Variants in STPG2 observed in about 807,000 individuals in gnomAD.
The protein encoded by STPG2 is sperm-tail PG-rich repeat-containing protein 2.
STPG2 carries 56 observed loss-of-function variants against 54.2 expected under a neutral mutation model. The observed-to-expected ratio is 1.03, with a 90% CI of 0.83 to 1.29. STPG2 has a LOEUF of 1.29. STPG2 is among the 50% of genes most tolerant of loss of function. The pLI, the probability that STPG2 is intolerant of heterozygous loss-of-function variation, is 0.00. For missense variants in STPG2, 596 were observed against 544.9 expected (o/e 1.09, Z -0.93); for synonymous variants, 200 against 181.8 (o/e 1.10, Z -0.81).
intron 10 of STPG2, among the ~76,000 whole-genome samples, chr4:97,676,116 G>GTA (rs1436107124): frequency 6.9e-6 from 1 of 145,942 alleles, no homozygotes. Flanking sequence ...TATATGTAGT[G>GTA]TATATATATA....
chr4:97,547,665 A>G (rs992311623), intron 4 of STPG2, among the ~76,000 whole-genome samples: 2 of 152,172 alleles, frequency 1.3e-5, no homozygotes, highest in African/African-American at 2.4e-5. Context: ...GATTATGGGT[A>G]AGGTGTTGAC....
At chr4:98,077,235 T>C (rs1283329155) in intron 5 of STPG2, among the ~76,000 whole-genome samples, 1 of 151,642 alleles carries the variant, frequency 6.6e-6, no homozygotes, top group African/African-American at 2.4e-5. Flanking sequence ...TTTGTTGTTG[T>C]TGTTGTTGTT....
At chr4:97,871,024 G>C (rs1367052830) in intron 8 of STPG2, among the ~76,000 whole-genome samples, 1 of 150,686 alleles carries the variant, frequency 6.6e-6, no homozygotes, top group African/African-American at 2.4e-5. Flanking sequence ...TAGCCATAAA[G>C]ACCTTTCCAT....
At chr4:97,984,314 T>C (rs2149265095) in intron 5 of STPG2, among the ~76,000 whole-genome samples, 1 of 152,288 alleles carries the variant, frequency 6.6e-6, no homozygotes, top group South Asian at 2.1e-4. Flanking sequence ...CCAGCTAATC[T>C]TTGTATTTTT....
At position 97,472,638 on chromosome 4, in the gene STPG2, A is replaced by T. The variant is rs190160873; in HGVS notation, c.462+240061T>A. Among the ~76,000 whole-genome samples the T allele has an allele frequency of 4.2e-3, 641 of 152,332 alleles. 3 individuals carry two copies. The highest frequency in any genetic ancestry group is 0.02 in the South Asian group (98 of 4,824). On this transcript the variant is annotated intron_variant, in intron 4 of 4. Transcript: ENST00000522676. ...ATTACCTAATTATTAACTGTGGTACATCTAGATAATGGAATACTATTCAGC... is the reference window on the plus strand; with the variant it reads ...ATTACCTAATTATTAACTGTGGTACTTCTAGATAATGGAATACTATTCAGC...
At chr4:98,022,683 A>T (rs1011348850) in intron 5 of STPG2, among the ~76,000 whole-genome samples, 3 of 152,166 alleles carry the variant, frequency 2.0e-5, no homozygotes, top group African/African-American at 7.2e-5. Flanking sequence ...GTCTTTTCAC[A>T]TAGTCCCATA....
intron 9 of STPG2, among the ~76,000 whole-genome samples, chr4:97,824,618 T>C (rs949489149): frequency 6.6e-6 from 1 of 152,164 alleles, no homozygotes; most frequent in Non-Finnish European, 1.5e-5. Context: ...CTTGACCTTG[T>C]AACCACGTGG....
Position 97,725,953 on chromosome 4 carries a change from C to T in STPG2, c.1205-13139G>A, listed in dbSNP as rs1309347708. On this transcript the variant is annotated intron_variant, in intron 9 of 10. Coordinates refer to ENST00000295268, the MANE Select transcript of STPG2 (RefSeq NM_174952.3). ...AAAAAAAATCAAAATGCCTTCTGAT[C>T]GTATTGGCATCAGCAAAACCAGATT... 2.6e-5 allele frequency among the ~76,000 whole-genome samples: 4 copies of T among 151,862 alleles called. 1 individual carries two copies. In the South Asian group the frequency reaches 8.3e-4, roughly 31 times the overall value.
chr4:97,875,450 T>C (rs1242069558), intron 8 of STPG2, among the ~76,000 whole-genome samples: 3 of 151,694 alleles, frequency 2.0e-5, no homozygotes, highest in Non-Finnish European at 4.4e-5. Flanking sequence ...TGGGAATTCA[T>C]CATGACATTA....
intron 10 of STPG2, among the ~76,000 whole-genome samples, chr4:97,667,227 C>T (rs958375001): frequency 3.9e-5 from 6 of 152,182 alleles, no homozygotes; most frequent in Non-Finnish European, 5.9e-5. Flanking sequence ...GAAAGGACCA[C>T]GACAATATGT....
intron 9 of STPG2, among the ~76,000 whole-genome samples, chr4:97,809,390 T>C (rs1248336395): frequency 1.3e-5 from 2 of 152,048 alleles, no homozygotes; most frequent in African/African-American, 2.4e-5. Flanking sequence ...TCACCACTTA[T>C]CTACCTACTA....
chr4:97,468,856 A>G (rs1729854406), intron 4 of STPG2, among the ~76,000 whole-genome samples: 1 of 152,064 alleles, frequency 6.6e-6, no homozygotes, highest in African/African-American at 2.4e-5. Context: ...TAAGAAAAGC[A>G]GTTTTATTTA....
chr4:97,899,668 C>A (rs1338687916), intron 8 of STPG2, among the ~76,000 whole-genome samples: 1 of 151,828 alleles, frequency 6.6e-6, no homozygotes, highest in African/African-American at 2.4e-5. Flanking sequence ...AATAAGGCTG[C>A]ACATCTACAA....
intron 4 of STPG2, among the ~76,000 whole-genome samples, chr4:97,478,657 A>ATTTTTTT (rs1314429429): frequency 6.6e-6 from 1 of 152,038 alleles, no homozygotes; most frequent in Non-Finnish European, 1.5e-5. Context: ...TTTTAATGAA[A>ATTTTTTT]TTAACTCTAT....
At chr4:97,998,300 T>A (rs1735307646) in intron 5 of STPG2, among the ~76,000 whole-genome samples, 1 of 152,108 alleles carries the variant, frequency 6.6e-6, no homozygotes. Context: ...GCCCAGAGCG[T>A]CCTTACAAGT....
At chr4:97,569,624 A>G (rs532244261) in intron 10 of STPG2, among the ~76,000 whole-genome samples, 9 of 152,302 alleles carry the variant, frequency 5.9e-5, no homozygotes, top group African/African-American at 1.7e-4. Context: ...ATTAACAAGT[A>G]AAGTAGAAGG....
intron 5 of STPG2, among the ~76,000 whole-genome samples, chr4:98,091,205 C>T (rs957992342): frequency 5.3e-5 from 8 of 152,122 alleles, no homozygotes; most frequent in African/African-American, 1.9e-4. Flanking sequence ...TTAATACAGG[C>T]ATTCACTATG....
chr4:97,551,205 T>G (rs111642898), intron 4 of STPG2, among the ~76,000 whole-genome samples: 2,289 of 152,198 alleles, frequency 0.015, 55 homozygotes, highest in African/African-American at 0.052. Flanking sequence ...ATCCTTCAGC[T>G]AGACAGAAAA....
chr4:97,629,401 G>T (rs1721187017), intron 10 of STPG2, among the ~76,000 whole-genome samples: 1 of 151,968 alleles, frequency 6.6e-6, no homozygotes, highest in Non-Finnish European at 1.5e-5. Flanking sequence ...ACACATATGT[G>T]CGTGCACGCA....
Sources: gnomAD v4.1 joint callset for allele counts (sites outside exome capture counted in the v4.1 genomes callset) on GRCh38, gnomAD v4.1.1 for gene constraint, MANE v1.5 for transcripts, NCBI Gene and HGNC (gene_info 2026-07-23, HGNC 2026-07-21) for gene names.